The following ROBO1 variants were observed in gnomAD, a reference collection of about 807,000 sequenced individuals.
ROBO1 encodes roundabout homolog 1.
Under a neutral mutation model 195.9 loss-of-function variants are expected in ROBO1, and 149 were observed. The ratio of observed to expected loss-of-function variants is 0.76; its 90% CI spans 0.67 to 0.87. The LOEUF is 0.87. Among genes scored for constraint, ROBO1 ranks in the 40% least tolerant of loss-of-function variants. ROBO1 has a pLI of 0.00. For synonymous variants in ROBO1, 816 were observed against 733.2 expected, an observed-to-expected ratio of 1.11 and a Z score of -1.82; for missense variants, 1,933 against 2,068.3, an observed-to-expected ratio of 0.93 and a Z score of 1.27.
intron 1 of ROBO1, among the ~76,000 whole-genome samples, chr3:79,597,111 G>A (rs1345409125): frequency 6.7e-6 from 1 of 149,718 alleles, no homozygotes; most frequent in East Asian, 2.0e-4. Flanking sequence ...AAGTGTGTGT[G>A]TGCCTGTGTG....
intron 5 of ROBO1, among the ~76,000 whole-genome samples, chr3:78,743,928 C>T (rs1301834906): frequency 3.9e-5 from 6 of 152,134 alleles, no homozygotes; most frequent in Non-Finnish European, 8.8e-5. Flanking sequence ...GTTTCATCCG[C>T]CAGAAGGACG....
intron 4 of ROBO1, among the ~76,000 whole-genome samples, chr3:78,818,454 T>C (rs556941634): frequency 6.6e-6 from 1 of 152,280 alleles, no homozygotes; most frequent in African/African-American, 2.4e-5. Context: ...CCATGACGAT[T>C]TGTGGAAGCC....
chr3:78,945,813 G>C (rs1417824609), intron 3 of ROBO1, among the ~76,000 whole-genome samples: 1 of 152,132 alleles, frequency 6.6e-6, no homozygotes, highest in Non-Finnish European at 1.5e-5. Flanking sequence ...CCAATACAGA[G>C]AAGTCCTTAA....
Position 79,482,089 on chromosome 3 carries a change from A to G in ROBO1, c.88+107735T>C, listed in dbSNP as rs142394579. ...ATTCATTTATTCAAATATGTATTAT[A>G]TTTACGTCTCGTGTACTTTGTAAGG... On this transcript the variant is annotated intron_variant, in intron 2 of 30. Transcript: ENST00000464233. Among the ~76,000 whole-genome samples the G allele has an allele frequency of 9.8e-5, 15 of 152,302 alleles. No individual in the cohort carries two copies. The East Asian group carries it at 1.7e-3, about 18-fold the overall frequency.
chr3:78,767,796 T>G (rs1487182830), intron 4 of ROBO1, among the ~76,000 whole-genome samples: 1 of 152,158 alleles, frequency 6.6e-6, no homozygotes, highest in African/African-American at 2.4e-5. Context: ...CTTAGTGAGG[T>G]TATTTGGATT....
intron 4 of ROBO1, among the ~76,000 whole-genome samples, chr3:78,915,785 G>A (rs1277997467): frequency 6.6e-6 from 1 of 151,994 alleles, no homozygotes; most frequent in Non-Finnish European, 1.5e-5. Flanking sequence ...AGCCACCCGA[G>A]TAGCTAGGAC....
intron 2 of ROBO1, among the ~76,000 whole-genome samples, chr3:79,515,123 G>T (rs1940887959): frequency 6.6e-6 from 1 of 152,174 alleles, no homozygotes; most frequent in Non-Finnish European, 1.5e-5. Flanking sequence ...CTGGAGAGGA[G>T]TGGCTTCATG....
At chr3:79,035,792 C>T (rs1209642169) in intron 3 of ROBO1, among the ~76,000 whole-genome samples, 1 of 151,592 alleles carries the variant, frequency 6.6e-6, no homozygotes, top group Non-Finnish European at 1.5e-5. Context: ...TGAAAATTCC[C>T]CAATTTCCAA....
intron 2 of ROBO1, among the ~76,000 whole-genome samples, chr3:79,346,093 A>G (rs2035105268): frequency 6.6e-6 from 1 of 152,194 alleles, no homozygotes; most frequent in Non-Finnish European, 1.5e-5. Flanking sequence ...ACAAGTGAAT[A>G]GATGCAGTGA....
chr3:79,489,881 T>C (rs1412610872), intron 2 of ROBO1, among the ~76,000 whole-genome samples: 1 of 152,054 alleles, frequency 6.6e-6, no homozygotes, highest in African/African-American at 2.4e-5. Context: ...TTCATAAGTG[T>C]ATTTTTACAT....
At chr3:79,231,595 T>G (rs1224068905) in intron 2 of ROBO1, among the ~76,000 whole-genome samples, 1 of 152,042 alleles carries the variant, frequency 6.6e-6, no homozygotes, top group Non-Finnish European at 1.5e-5. Context: ...GAAAAAGGAA[T>G]GCTTATACAC....
chr3:79,205,142 A>G (rs1173946623), intron 2 of ROBO1, among the ~76,000 whole-genome samples: 1 of 151,884 alleles, frequency 6.6e-6, no homozygotes, highest in East Asian at 1.9e-4. Flanking sequence ...ACAGGCGCGC[A>G]CCACCATATC....
chr3:79,416,538 G>A (rs1404292346), intron 2 of ROBO1, among the ~76,000 whole-genome samples: 2 of 151,066 alleles, frequency 1.3e-5, no homozygotes, highest in African/African-American at 4.9e-5. Context: ...AGCCCTAGGA[G>A]GTCAAGGTGC....
intron 3 of ROBO1, among the ~76,000 whole-genome samples, chr3:78,964,556 G>T (rs76036712): frequency 0.15 from 23,176 of 152,048 alleles, 2,678 homozygotes; most frequent in African/African-American, 0.33. Flanking sequence ...TCTTAAAAGA[G>T]TTTCAGAAGT....
At chr3:79,165,069 C>A (rs539121479) in intron 2 of ROBO1, among the ~76,000 whole-genome samples, 2 of 152,180 alleles carry the variant, frequency 1.3e-5, no homozygotes, top group East Asian at 3.9e-4. Context: ...TCACTGCCAG[C>A]CTACATTACT....
At chr3:79,722,639 A>G (rs1374023211) in intron 1 of ROBO1, among the ~76,000 whole-genome samples, 2 of 152,238 alleles carry the variant, frequency 1.3e-5, no homozygotes, top group Non-Finnish European at 2.9e-5. Flanking sequence ...AGAAATGCTG[A>G]TAACAAATTC....
chr3:78,824,133 CA>C (rs2031338136), intron 4 of ROBO1, among the ~76,000 whole-genome samples: 1 of 152,038 alleles, frequency 6.6e-6, no homozygotes, highest in Non-Finnish European at 1.5e-5. Context: ...TGTAGTAAAA[CA>C]AAAAGAAGTT....
At chr3:79,083,529 C>T (rs1305762652) in intron 3 of ROBO1, among the ~76,000 whole-genome samples, 1 of 152,122 alleles carries the variant, frequency 6.6e-6, no homozygotes, top group Non-Finnish European at 1.5e-5. Context: ...GAAATAATAA[C>T]AAACCAGGGC....
intron 4 of ROBO1, among the ~76,000 whole-genome samples, chr3:78,846,850 C>T (rs983002000): frequency 1.3e-5 from 2 of 152,114 alleles, no homozygotes; most frequent in Non-Finnish European, 2.9e-5. Context: ...AAAGAGGTTA[C>T]TTACGTTGCT....
Sources: gnomAD v4.1 joint callset for allele counts (sites outside exome capture counted in the v4.1 genomes callset) on GRCh38, gnomAD v4.1.1 for gene constraint, MANE v1.5 for transcripts, NCBI Gene and HGNC (gene_info 2026-07-23, HGNC 2026-07-21) for gene names.